Variants in LHX2 observed in about 807,000 individuals in gnomAD.
The protein encoded by LHX2 is LIM/homeobox protein Lhx2.
Under a neutral mutation model 33.0 loss-of-function variants are expected in LHX2, and 6 were observed. The ratio of observed to expected loss-of-function variants is 0.18; its 90% CI spans 0.10 to 0.36. LHX2 has a LOEUF of 0.36. LHX2 is among the 10% of genes least tolerant of loss of function. The probability of loss-of-function intolerance (pLI) is 1.00; values close to 1 mark genes in which losing one functional copy is unlikely to be tolerated. For synonymous variants in LHX2, 292 were observed against 253.1 expected (o/e 1.15, Z -1.46); for missense variants, 442 against 586.2 (o/e 0.75, Z 2.54).
rs1328072209 is a variant in LHX2, at chr9:124,032,343, A to G, written c.934-77A>G. The G allele has an allele frequency of 1.4e-5, 20 of 1,446,148 alleles. No individual in the cohort carries two copies. In the East Asian group the frequency reaches 4.8e-4, roughly 34 times the overall value. 89.6% of individuals were successfully genotyped at this position (1,446,148 alleles called of 1,614,324 possible). ...ACAGATCAGCGTCCCCAGAGGCAGCAGAGCTCTGAGTGAAGCAGTCGGGGG... is the reference window on the plus strand; with the variant it reads ...ACAGATCAGCGTCCCCAGAGGCAGCGGAGCTCTGAGTGAAGCAGTCGGGGG... On this transcript the variant is annotated intron_variant, in intron 4 of 4. Transcript: ENST00000373615. This position sits in a 1 kb window ranked among gnomAD's most constrained non-coding sequence, Gnocchi z 4.1.
intron 4 of LHX2, among the ~76,000 whole-genome samples, chr9:124,027,227 A>G (rs2055032): frequency 0.39 from 59,241 of 152,014 alleles, 12,107 homozygotes; most frequent in Admixed American, 0.49. Context: ...GAACTGCCAT[A>G]CCAACAGTTT....
rs1828710092 is a variant in LHX2 at position 124,032,103 on chromosome 9, T to TG, written c.934-315dup. The TG allele has an allele frequency of 3.5e-6, 1 of 283,802 alleles. No homozygotes were observed. Among genetic ancestry groups the TG allele is most frequent in the Non-Finnish European group, 6.5e-6 (1 of 154,060 alleles). The allele number at this position is 283,802 out of a possible 1,614,324, so 17.6% of individuals were successfully genotyped here. A position where few individuals can be genotyped will look rare whatever the true frequency, so the allele number is the denominator to read the frequency against. ...TAACTTAAAAAGTTAGCGGGGCCGG[T>TG]GGTGCTCACCTATCTATAGCCCCAG... On this transcript the variant is annotated intron_variant, in intron 4 of 4. Coordinates refer to ENST00000373615, the MANE Select transcript of LHX2 (RefSeq NM_004789.4). The surrounding 1 kb of genome is among the most constrained non-coding windows in gnomAD (Gnocchi z 4.1).
chr9:124,032,466 G>T lies in LHX2; in HGVS notation c.980G>T (p.Arg327Leu). Residue 327 changes from arginine (R) to leucine (L), a missense_variant, in exon 5 of 5, where the codon CGG (arginine) becomes CTG (leucine). Arg to Leu is a moderately radical substitution (Grantham distance 102). Transcript: ENST00000373615. This position sits in a 1 kb window ranked among gnomAD's most constrained non-coding sequence, Gnocchi z 4.1. Reference sequence around the variant, plus strand: ...GCCAAGTTCAGGCGCAACCTCTTACGGCAGGAAAACACGGGCGTGGACAAG... The same window carrying T: ...GCCAAGTTCAGGCGCAACCTCTTACTGCAGGAAAACACGGGCGTGGACAAG... ...ARAKFRRNLL[R>L]QENTGVDKST... 6.2e-7 allele frequency: 1 copy of T among 1,607,510 alleles called. No homozygotes were observed. The highest frequency in any genetic ancestry group is 8.5e-7 in the Non-Finnish European group (1 of 1,178,118).
Position 124,012,322 on chromosome 9 carries a change from G to GC in LHX2, c.-22dup. 1.4e-6 allele frequency: 2 copies of GC among 1,479,516 alleles called. No individual in the cohort carries two copies. Among genetic ancestry groups the GC allele is most frequent in the Non-Finnish European group, 1.8e-6 (2 of 1,120,322 alleles). The allele number at this position is 1,479,516 out of a possible 1,614,324, so 91.6% of individuals were successfully genotyped here. ...GCAAGCCCTCCCTCGGAGGAGCCGC[G>GC]CCCCCGGCCCCGCCGGTCCCGCCGC... On this transcript the variant is annotated 5_prime_UTR_variant, in exon 1 of 5. Transcript: ENST00000373615. This position sits in a 1 kb window ranked among gnomAD's most constrained non-coding sequence, Gnocchi z 4.3.
At chr9:124,020,225 T>C (rs893172507) in intron 3 of LHX2, among the ~76,000 whole-genome samples, 2 of 152,102 alleles carry the variant, frequency 1.3e-5, no homozygotes, top group Non-Finnish European at 2.9e-5. Context: ...ACAGTGACAT[T>C]TGTAAAGCCA....
At position 124,014,047 on chromosome 9, in the gene LHX2, G is replaced by A; in HGVS notation, c.207G>A (p.Val69=). The A allele has an allele frequency of 6.2e-7, 1 of 1,613,648 alleles. No individual in the cohort carries two copies. The highest frequency in any genetic ancestry group is 8.5e-7 in the Non-Finnish European group (1 of 1,180,038). Residue 69 remains valine (V), a synonymous_variant, in exon 2 of 5, where the codon GTG becomes GTA. Transcript: ENST00000373615. This position sits in a 1 kb window ranked among gnomAD's most constrained non-coding sequence, Gnocchi z 4.8. Reference sequence around the variant, plus strand: ...CGGACCGCTACTACCTGCTGGCGGTGGACAAGCAGTGGCACATGCGCTGCC... The same window carrying A: ...CGGACCGCTACTACCTGCTGGCGGTAGACAAGCAGTGGCACATGCGCTGCC... The part of the protein sequence containing the change: ...KISDRYYLLA[V]DKQWHMRCLK...
intron 4 of LHX2, among the ~76,000 whole-genome samples, chr9:124,031,455 G>GAA (rs1254858233): frequency 7.4e-6 from 1 of 134,406 alleles, no homozygotes; most frequent in African/African-American, 2.7e-5. Context: ...AAAGGAAAAA[G>GAA]AAAAAAAAAA....
In LHX2 at chr9:124,016,813, A is replaced by G. The variant is rs965837213; in HGVS notation, c.727+1288A>G. ...AGATTTGCTGAAGGCACTACCACAG[A>G]TGTAGCTCTCTGGAACTTCCATCCC... is the stretch of plus-strand genomic sequence containing the variant. On this transcript the variant is annotated intron_variant, in intron 3 of 4. Transcript: ENST00000373615. This position sits in a 1 kb window ranked among gnomAD's most constrained non-coding sequence, Gnocchi z 4.4. Among the ~76,000 whole-genome samples the G allele has an allele frequency of 1.3e-5, 2 of 152,102 alleles. No homozygotes were observed. Among genetic ancestry groups the G allele is most frequent in the African/African-American group, 2.4e-5 (1 of 41,412 alleles).
At position 124,014,383 on chromosome 9, in the gene LHX2, C is replaced by A. The variant is rs1588345033; in HGVS notation, c.323+220C>A. Among the ~76,000 whole-genome samples, 1 of 151,792 alleles carries A rather than the reference C, an allele frequency of 6.6e-6. No homozygotes were observed. Among genetic ancestry groups the A allele is most frequent in the African/African-American group, 2.4e-5 (1 of 41,184 alleles). On this transcript the variant is annotated intron_variant, in intron 2 of 4. Transcript: ENST00000373615. The surrounding 1 kb of genome is among the most constrained non-coding windows in gnomAD (Gnocchi z 4.8). ...TGGAAAGGTCTACGAAGTAGGAGAACCAGAAAAAAAGCAGAAGCTGCCCTC... is the reference window on the plus strand; with the variant it reads ...TGGAAAGGTCTACGAAGTAGGAGAAACAGAAAAAAAGCAGAAGCTGCCCTC...
rs993166002 is a variant in LHX2 at position 124,016,957 on chromosome 9, C to T, written c.727+1432C>T. Reference sequence around the variant, plus strand: ...CCACTCGGAAGCACCTCGCGGGGCTCGGCTCCAGGGCACCTGGTGGCTGGG... The same window carrying T: ...CCACTCGGAAGCACCTCGCGGGGCTTGGCTCCAGGGCACCTGGTGGCTGGG... On this transcript the variant is annotated intron_variant, in intron 3 of 4. Coordinates refer to ENST00000373615, the MANE Select transcript of LHX2 (RefSeq NM_004789.4). This position sits in a 1 kb window ranked among gnomAD's most constrained non-coding sequence, Gnocchi z 4.4. Among the ~76,000 whole-genome samples the T allele has an allele frequency of 4.6e-5, 7 of 152,140 alleles. No individual in the cohort carries two copies. The East Asian group carries it at 5.8e-4, about 13-fold the overall frequency.
intron 1 of LHX2, 62 bp from the exon 2 acceptor site, chr9:124,013,899 G>C: frequency 1.3e-6 from 2 of 1,529,346 alleles, no homozygotes; most frequent in South Asian, 2.3e-5. Context: ...CCGGTTTCCC[G>C]GCGGCGGAGG....
At chr9:124,029,935 C>G (rs1469609427) in intron 4 of LHX2, among the ~76,000 whole-genome samples, 1 of 152,196 alleles carries the variant, frequency 6.6e-6, no homozygotes, top group East Asian at 1.9e-4. Context: ...CAGTCTCTCC[C>G]CTACAGATTT....
chr9:124,013,871 C>G, intron 1 of LHX2, 90 bp from the exon 2 acceptor site: 1 of 1,227,752 alleles, frequency 8.1e-7, no homozygotes, highest in East Asian at 2.4e-5. Flanking sequence ...GCCAAGGCCA[C>G]AGAGGGAGTT....
At chr9:124,013,478 C>T (rs529661092) in intron 1 of LHX2, among the ~76,000 whole-genome samples, 23 of 152,240 alleles carry the variant, frequency 1.5e-4, no homozygotes, top group Non-Finnish European at 3.2e-4. Flanking sequence ...GTCTAAGGAT[C>T]CAGGGATCAC....
chr9:124,012,315 G>GA lies in LHX2; in HGVS notation c.-33dup, dbSNP rs1412223198. ...GCGGGGGGCAAGCCCTCCCTCGGAGGAGCCGCGCCCCCGGCCCCGCCGGTC... is the reference window on the plus strand; with the variant it reads ...GCGGGGGGCAAGCCCTCCCTCGGAGGAAGCCGCGCCCCCGGCCCCGCCGGTC... On this transcript the variant is annotated 5_prime_UTR_variant, in exon 1 of 5. Transcript: ENST00000373615. The surrounding 1 kb of genome is among the most constrained non-coding windows in gnomAD (Gnocchi z 4.3). 2 of 1,479,420 alleles carry GA rather than the reference G, an allele frequency of 1.4e-6. No individual in the cohort carries two copies. The highest frequency in any genetic ancestry group is 2.5e-5 in the South Asian group (2 of 78,716). The allele number at this position is 1,479,420 out of a possible 1,614,324, so 91.6% of individuals were successfully genotyped here. A position where few individuals can be genotyped will look rare whatever the true frequency, so the allele number is the denominator to read the frequency against.
At position 124,032,811 on chromosome 9, in the gene LHX2, C is replaced by A; in HGVS notation, c.*104C>A. 1.6e-6 allele frequency: 2 copies of A among 1,275,738 alleles called. No individual in the cohort carries two copies. Among genetic ancestry groups the A allele is most frequent in the Non-Finnish European group, 2.2e-6 (2 of 928,778 alleles). 79.0% of individuals were successfully genotyped at this position (1,275,738 alleles called of 1,614,324 possible). ...GAGGCTTTGAGCAACTAACTAACCA[C>A]ATTTTAGGATCTCGCCTGGAAACAG... On this transcript the variant is annotated 3_prime_UTR_variant, in exon 5 of 5. Transcript: ENST00000373615. The surrounding 1 kb of genome is among the most constrained non-coding windows in gnomAD (Gnocchi z 4.1).
At chr9:124,017,219 C>G (rs889323188) in intron 3 of LHX2, among the ~76,000 whole-genome samples, 6 of 152,152 alleles carry the variant, frequency 3.9e-5, no homozygotes, top group Non-Finnish European at 8.8e-5. Flanking sequence ...TTTCCGTTCT[C>G]TCCGTCCTTT....
rs1460140337 is a variant in LHX2, at chr9:124,014,625, A to T, written c.323+462A>T. 6.6e-6 allele frequency among the ~76,000 whole-genome samples: 1 copy of T among 152,198 alleles called. No homozygotes were observed. Among genetic ancestry groups the T allele is most frequent in the Non-Finnish European group, 1.5e-5 (1 of 68,032 alleles). ...GAATGAAAGGTGGCCAAGATCAAAG[A>T]ACCAGAATCACTAGTAGACTCCAAG... On this transcript the variant is annotated intron_variant, in intron 2 of 4. Coordinates refer to ENST00000373615, the MANE Select transcript of LHX2 (RefSeq NM_004789.4). This position sits in a 1 kb window ranked among gnomAD's most constrained non-coding sequence, Gnocchi z 4.8.
chr9:124,020,075 C>G (rs745485035), intron 3 of LHX2, among the ~76,000 whole-genome samples: 23 of 152,204 alleles, frequency 1.5e-4, no homozygotes, highest in Non-Finnish European at 2.4e-4. Flanking sequence ...AGTGCTAAAT[C>G]TAGGCTCAAC....
Sources: allele counts gnomAD v4.1 joint callset (sites outside exome capture counted in the v4.1 genomes callset), GRCh38; gene constraint gnomAD v4.1.1; non-coding constraint Gnocchi (gnomAD v3.1); transcripts MANE v1.5; gene names NCBI Gene and HGNC (gene_info 2026-07-23, HGNC 2026-07-21).